The following HIVEP1 variants were observed in gnomAD, a reference collection of about 807,000 sequenced individuals.
HIVEP1 encodes the protein HIVEP zinc finger 1.
Under a neutral mutation model 180.0 loss-of-function variants are expected in HIVEP1, and 36 were observed. The observed-to-expected ratio is 0.20, with a 90% confidence interval of 0.15 to 0.26. The LOEUF is 0.26. HIVEP1 is among the 10% of genes least tolerant of loss of function. The pLI is 1.00. For synonymous variants in HIVEP1, 1,239 were observed against 1,239.0 expected (o/e 1.00, Z 0.00); for missense variants, 3,143 against 3,268.7 (o/e 0.96, Z 0.94).
At position 12,121,859 on chromosome 6, in the gene HIVEP1, A is replaced by G; in HGVS notation, c.2064A>G (p.Pro688=). The G allele has an allele frequency of 6.2e-7, 1 of 1,614,204 alleles. No homozygotes were observed. Among genetic ancestry groups the G allele is most frequent in the East Asian group, 2.2e-5 (1 of 44,884 alleles). Residue 688 remains proline (P), a synonymous_variant, in exon 4 of 9, where the codon CCA becomes CCG. Transcript: ENST00000379388. This position sits in a 1 kb window ranked among gnomAD's most constrained non-coding sequence, Gnocchi z 5.3. Reference sequence around the variant, plus strand: ...AAAGTGCCGATCAAACAGTGAGTCCACCAACTCCCTTTGCCAGAAGGTTAC... The same window carrying G: ...AAAGTGCCGATCAAACAGTGAGTCCGCCAACTCCCTTTGCCAGAAGGTTAC... ...RSESADQTVS[P]PTPFARRLPS...
intron 2 of HIVEP1, among the ~76,000 whole-genome samples, chr6:12,036,976 A>G (rs1581544431): frequency 6.6e-6 from 1 of 152,202 alleles, no homozygotes; most frequent in African/African-American, 2.4e-5. Context: ...TGGGTCTTGG[A>G]GAATGAATAG....
chr6:12,168,179 T>TAG (rs1346006940), downstream of HIVEP1, among the ~76,000 whole-genome samples: 2 of 64,556 alleles, frequency 3.1e-5, no homozygotes, highest in African/African-American at 1.0e-4. Flanking sequence ...ATCTATATTA[T>TAG]ATATAGATAT....
chr6:12,158,560 G>T (rs1760195116), intron 7 of HIVEP1, among the ~76,000 whole-genome samples: 1 of 152,142 alleles, frequency 6.6e-6, no homozygotes, highest in Admixed American at 6.6e-5. Context: ...CAAGGAGGAG[G>T]ATGGGGTGCT....
intron 3 of HIVEP1, among the ~76,000 whole-genome samples, chr6:12,110,083 ACT>A (rs1247089883): frequency 6.6e-6 from 1 of 152,184 alleles, no homozygotes; most frequent in Non-Finnish European, 1.5e-5. Context: ...CTGAGTAGTC[ACT>A]CTCAATATTG....
chr6:12,019,080 A>G (rs1383782759), intron 2 of HIVEP1, among the ~76,000 whole-genome samples: 7 of 152,200 alleles, frequency 4.6e-5, no homozygotes, highest in African/African-American at 1.4e-4. Context: ...CCACTAAAGA[A>G]AAGATTGGAA....
At chr6:12,057,053 C>A (rs1294000666) in intron 2 of HIVEP1, among the ~76,000 whole-genome samples, 1 of 151,904 alleles carries the variant, frequency 6.6e-6, no homozygotes, top group African/African-American at 2.4e-5. Context: ...GTTGCCTAGT[C>A]TGGGTATGGA....
intron 3 of HIVEP1, among the ~76,000 whole-genome samples, chr6:12,108,799 G>C (rs1436849440): frequency 6.6e-6 from 1 of 152,168 alleles, no homozygotes; most frequent in East Asian, 1.9e-4. Context: ...AGCTGAGGGA[G>C]CCGGCTCTGG....
intron 2 of HIVEP1, among the ~76,000 whole-genome samples, chr6:12,040,169 T>C (rs1401724075): frequency 6.6e-6 from 1 of 152,228 alleles, no homozygotes; most frequent in African/African-American, 2.4e-5. Flanking sequence ...ATCTGGGCTT[T>C]TATCAAAGTC....
chr6:12,191,006 A>G, the HIVEP1 span, among the ~76,000 whole-genome samples: 5 of 152,184 alleles, frequency 3.3e-5, no homozygotes, highest in African/African-American at 9.7e-5. Context: ...ACTTCCAGGC[A>G]CAGCTGGCAT....
intron 6 of HIVEP1, among the ~76,000 whole-genome samples, chr6:12,134,476 A>C (rs1254138394): frequency 6.6e-6 from 1 of 152,236 alleles, no homozygotes; most frequent in African/African-American, 2.4e-5. Context: ...TAGTGCATTT[A>C]TCAGGAAATT....
At position 12,124,105 on chromosome 6, in the gene HIVEP1, T is replaced by C. The variant is rs140867707; in HGVS notation, c.4310T>C (p.Ile1437Thr). ...GPLVRQISLN[I>T]APDSHLSPVH... is the part of the protein sequence containing the mutation. ...CTGGTACGGCAAATATCTTTAAACA[T>C]AGCCCCAGATAGTCATCTGTCTCCT... Residue 1437 changes from isoleucine (I) to threonine (T), a missense_variant, in exon 4 of 9, where the codon ATA (isoleucine) becomes ACA (threonine). By Grantham distance (89) the Ile-to-Thr change is moderately conservative (BLOSUM62 -1). Around this residue, in one of 12 missense-constraint regions of HIVEP1, gnomAD observed 1,357 missense variants for 1,260.5 expected, o/e 1.08. Coordinates refer to ENST00000379388, the MANE Select transcript of HIVEP1 (RefSeq NM_002114.4). 7.4e-6 allele frequency: 12 copies of C among 1,614,186 alleles called. No homozygotes were observed. Among genetic ancestry groups the C allele is most frequent in the Non-Finnish European group, 1.0e-5 (12 of 1,180,026 alleles).
At position 12,120,881 on chromosome 6, in the gene HIVEP1, G is replaced by T; in HGVS notation, c.1086G>T (p.Pro362=). The T allele has an allele frequency of 1.9e-6, 3 of 1,614,080 alleles. No homozygotes were observed. Among genetic ancestry groups the T allele is most frequent in the Non-Finnish European group, 2.5e-6 (3 of 1,180,030 alleles). ...CTGCTTCACCTTTGTCAATAAGTCC[G>T]GCTAATTCTACACAGTCGCCCCCCA... The part of the protein sequence containing the change: ...MDSASPLSIS[P]ANSTQSPPMP... The change falls in exon 4 of 9, where the codon CCG becomes CCT. Residue 362 remains proline (P), a synonymous_variant. Coordinates refer to ENST00000379388, the MANE Select transcript of HIVEP1 (RefSeq NM_002114.4).
the HIVEP1 span, among the ~76,000 whole-genome samples, chr6:12,195,304 G>A: frequency 1.1e-3 from 163 of 152,284 alleles, no homozygotes; most frequent in African/African-American, 3.6e-3. Flanking sequence ...TATAGAGTAA[G>A]TGCTCAATAA....
In HIVEP1 at chr6:12,161,473, A is replaced by G. The variant is rs1409053997; in HGVS notation, c.6522A>G (p.Gly2174=). The G allele has an allele frequency of 1.2e-6, 2 of 1,613,838 alleles. No homozygotes were observed. The highest frequency in any genetic ancestry group is 2.2e-5 in the South Asian group (2 of 91,076). ...AGAGATTCAGTTATGAGCGATCTGGATATGATCTTGAAGAATCTGATGGCC... is the reference window on the plus strand; with the variant it reads ...AGAGATTCAGTTATGAGCGATCTGGGTATGATCTTGAAGAATCTGATGGCC... ...EKQRFSYERS[G]YDLEESDGPD... The change falls in exon 8 of 9, where the codon GGA becomes GGG. Residue 2174 remains glycine (G), a synonymous_variant. Coordinates refer to ENST00000379388, the MANE Select transcript of HIVEP1 (RefSeq NM_002114.4).
upstream of HIVEP1, among the ~76,000 whole-genome samples, chr6:12,011,083 C>G (rs1415231332): frequency 1.3e-5 from 2 of 152,204 alleles, no homozygotes; most frequent in East Asian, 3.8e-4. Context: ...TTTCCTCGCT[C>G]TTTTAATAGA....
At position 12,123,145 on chromosome 6, in the gene HIVEP1, G is replaced by A; in HGVS notation, c.3350G>A (p.Ser1117Asn). The A allele has an allele frequency of 2.5e-6, 4 of 1,614,162 alleles. No individual in the cohort carries two copies. The highest frequency in any genetic ancestry group is 3.4e-6 in the Non-Finnish European group (4 of 1,180,030). ...KLSTIMEQQISSAAQDKIELQ... is the reference protein window; with the variant it reads ...KLSTIMEQQINSAAQDKIELQ... ...TCGACCATCATGGAACAACAGATAA[G>A]TTCAGCAGCCCAGGACAAGATAGAA... The change falls in exon 4 of 9, where the codon AGT (serine) becomes AAT (asparagine). Residue 1117 changes from serine to asparagine, a missense_variant. By Grantham distance (46) the Ser-to-Asn change is conservative (BLOSUM62 1). Transcript: ENST00000379388.
chr6:12,141,623 T>G (rs1759036559), intron 7 of HIVEP1, among the ~76,000 whole-genome samples: 1 of 140,048 alleles, frequency 7.1e-6, no homozygotes, highest in South Asian at 2.4e-4. Context: ...GAGACCCATC[T>G]CACATGCAGT....
chr6:12,181,776 G>A, the HIVEP1 span, among the ~76,000 whole-genome samples: 23 of 152,182 alleles, frequency 1.5e-4, no homozygotes, highest in African/African-American at 5.3e-4. Context: ...AAGTTGCAAA[G>A]GTGAGAGCTT....
intron 2 of HIVEP1, among the ~76,000 whole-genome samples, chr6:12,042,995 T>A (rs1169444671): frequency 6.6e-6 from 1 of 152,210 alleles, no homozygotes; most frequent in Non-Finnish European, 1.5e-5. Flanking sequence ...GATTTCTCAG[T>A]GTTGTTTACT....
Sources: gnomAD v4.1 joint callset for allele counts (sites outside exome capture counted in the v4.1 genomes callset) on GRCh38, gnomAD v4.1.1 for gene constraint, gnomAD v4.1.1 regional missense constraint, Gnocchi (gnomAD v3.1) non-coding constraint, MANE v1.5 for transcripts, NCBI Gene and HGNC (gene_info 2026-07-23, HGNC 2026-07-21) for gene names.